The following PCSK5 variants were observed in gnomAD, a reference collection of about 807,000 sequenced individuals.
PCSK5 encodes proprotein convertase subtilisin/kexin type 5.
In PCSK5, 129 loss-of-function variants were observed where a neutral mutation model predicts 233.2. That is an observed-to-expected ratio of 0.55 (90% CI 0.48 to 0.64). PCSK5 has a LOEUF of 0.64. Among genes scored for constraint, PCSK5 ranks in the 30% least tolerant of loss-of-function variants. The pLI, the probability that PCSK5 is intolerant of heterozygous loss-of-function variation, is 0.00. For synonymous variants in PCSK5, 825 were observed against 879.2 expected (o/e 0.94, Z 1.09); for missense variants, 2,076 against 2,430.1 (o/e 0.85, Z 3.06).
intron 5 of PCSK5, among the ~76,000 whole-genome samples, chr9:76,050,788 A>C (rs192203476): frequency 1.1e-4 from 16 of 152,342 alleles, no homozygotes; most frequent in Non-Finnish European, 1.6e-4. Context: ...GGAGGTAATT[A>C]TTCTATCCTT....
chr9:76,145,459 G>T (rs917347056), intron 10 of PCSK5, among the ~76,000 whole-genome samples: 5 of 152,140 alleles, frequency 3.3e-5, no homozygotes, highest in East Asian at 1.9e-4. Flanking sequence ...AACCTGTCTT[G>T]TGAAAATACC....
At chr9:76,339,275 T>C (rs934144885) in intron 35 of PCSK5, among the ~76,000 whole-genome samples, 5 of 152,190 alleles carry the variant, frequency 3.3e-5, no homozygotes, top group Non-Finnish European at 7.3e-5. Context: ...TAGAAAAATA[T>C]TATTAGCTGG....
At chr9:76,056,518 T>G (rs1438177744) in intron 5 of PCSK5, among the ~76,000 whole-genome samples, 1 of 152,186 alleles carries the variant, frequency 6.6e-6, no homozygotes, top group Non-Finnish European at 1.5e-5. Flanking sequence ...TACACAGAAA[T>G]TAACAGGCAC....
chr9:75,931,248 C>CTT (rs3074142), intron 1 of PCSK5, among the ~76,000 whole-genome samples: 17 of 130,436 alleles, frequency 1.3e-4, no homozygotes, highest in African/African-American at 5.1e-4. Flanking sequence ...TGGGCCAAGA[C>CTT]TTTTTTTTTT....
chr9:76,314,785 T>C (rs1828973528), intron 30 of PCSK5, among the ~76,000 whole-genome samples: 1 of 148,792 alleles, frequency 6.7e-6, no homozygotes, highest in Non-Finnish European at 1.5e-5. Context: ...TACAGGCGCA[T>C]GCCACCACAC....
At chr9:76,087,624 G>A (rs898452504) in intron 7 of PCSK5, among the ~76,000 whole-genome samples, 9 of 152,300 alleles carry the variant, frequency 5.9e-5, no homozygotes, top group Admixed American at 2.0e-4. Context: ...TGAAAGTGAG[G>A]TCGGCTGCAT....
At chr9:76,215,466 C>T (rs1334432436) in intron 20 of PCSK5, among the ~76,000 whole-genome samples, 3 of 152,144 alleles carry the variant, frequency 2.0e-5, no homozygotes, top group South Asian at 4.1e-4. Context: ...TTTGAAGGCC[C>T]AGGACCCCCG....
At chr9:76,090,863 C>T (rs897652664) in intron 7 of PCSK5, among the ~76,000 whole-genome samples, 2 of 152,114 alleles carry the variant, frequency 1.3e-5, no homozygotes, top group African/African-American at 4.8e-5. Flanking sequence ...TGTTTTCCTG[C>T]AGCTAAATGG....
chr9:76,257,432 A>G (rs550005633), intron 24 of PCSK5, among the ~76,000 whole-genome samples: 17 of 152,320 alleles, frequency 1.1e-4, no homozygotes, highest in African/African-American at 4.1e-4. Flanking sequence ...AGTTGGGCCA[A>G]CGATGAGTGT....
upstream of PCSK5, among the ~76,000 whole-genome samples, chr9:75,889,910 T>G (rs1825492017): frequency 6.6e-6 from 1 of 152,238 alleles, no homozygotes; most frequent in Admixed American, 6.5e-5. Context: ...GGACTGTGCT[T>G]GGAAAAGTTG....
At chr9:76,140,949 T>TA (rs1228317086) in intron 10 of PCSK5, among the ~76,000 whole-genome samples, 1 of 152,136 alleles carries the variant, frequency 6.6e-6, no homozygotes, top group Admixed American at 6.6e-5. Context: ...TGTAATCACC[T>TA]GAAGAAATTC....
chr9:76,177,634 A>C (rs1823674013), intron 14 of PCSK5, among the ~76,000 whole-genome samples: 1 of 152,242 alleles, frequency 6.6e-6, no homozygotes, highest in Non-Finnish European at 1.5e-5. Flanking sequence ...AGGAGAAAGT[A>C]GATCCAAAAA....
chr9:76,329,667 T>C (rs1281730419), intron 33 of PCSK5, among the ~76,000 whole-genome samples: 2 of 151,896 alleles, frequency 1.3e-5, no homozygotes, highest in Non-Finnish European at 2.9e-5. Flanking sequence ...ATCCCATCTC[T>C]ACTAAAAATA....
intron 5 of PCSK5, among the ~76,000 whole-genome samples, chr9:76,064,515 C>G (rs1360304857): frequency 1.3e-5 from 2 of 150,242 alleles, no homozygotes; most frequent in Non-Finnish European, 3.0e-5. Flanking sequence ...GGCTGAACCC[C>G]CCCAACCTCC....
At position 76,142,904 on chromosome 9, in the gene PCSK5, G is replaced by A. The variant is rs78204316; in HGVS notation, c.1312+8692G>A. Among the ~76,000 whole-genome samples, 60 of 152,202 alleles carry A rather than the reference G, an allele frequency of 3.9e-4. No homozygotes were observed. The East Asian group carries it at 9.6e-3, about 24-fold the overall frequency. ...ATATTGTCAGTGATTTTAGTTGATGGTTCTGGATAAATTATTAACCTCCTT... is the reference window on the plus strand; with the variant it reads ...ATATTGTCAGTGATTTTAGTTGATGATTCTGGATAAATTATTAACCTCCTT... On this transcript the variant is annotated intron_variant, in intron 10 of 37. Transcript: ENST00000674117.
At chr9:76,196,241 G>A (rs1824694028) in intron 20 of PCSK5, among the ~76,000 whole-genome samples, 1 of 152,252 alleles carries the variant, frequency 6.6e-6, no homozygotes, top group South Asian at 2.1e-4. Context: ...GTAGTGCGCA[G>A]CACACCCACT....
intron 1 of PCSK5, among the ~76,000 whole-genome samples, chr9:75,920,320 G>A (rs2131254441): frequency 6.6e-6 from 1 of 152,096 alleles, no homozygotes; most frequent in African/African-American, 2.4e-5. Context: ...AAGAGGTGGG[G>A]GTCTCTATCA....
At chr9:76,335,861 G>A (rs1333014992) in intron 34 of PCSK5, among the ~76,000 whole-genome samples, 2 of 152,078 alleles carry the variant, frequency 1.3e-5, no homozygotes, top group Admixed American at 1.3e-4. Flanking sequence ...ATCTCATGAC[G>A]TTACTGTTAG....
intron 12 of PCSK5, among the ~76,000 whole-genome samples, chr9:76,161,457 T>TA (rs59118601): frequency 6.6e-6 from 1 of 151,704 alleles, no homozygotes; most frequent in African/African-American, 2.4e-5. Context: ...TTTTTTTTTT[T>TA]CTTTACCATT....
Sources: gnomAD v4.1 joint callset for allele counts (sites outside exome capture counted in the v4.1 genomes callset) on GRCh38, gnomAD v4.1.1 for gene constraint, MANE v1.5 for transcripts, NCBI Gene and HGNC (gene_info 2026-07-23, HGNC 2026-07-21) for gene names.